The following ZNF131 variants were observed in gnomAD, a reference collection of about 807,000 sequenced individuals.
ZNF131 encodes zinc finger and BTB domain containing 35.
Under a neutral mutation model 60.0 loss-of-function variants are expected in ZNF131, and 7 were observed. The observed-to-expected ratio is 0.12, with a 90% CI of 0.07 to 0.22. The LOEUF is 0.22. ZNF131 is among the 10% of genes least tolerant of loss of function. The pLI, the probability that ZNF131 is intolerant of heterozygous loss-of-function variation, is 1.00. For missense variants in ZNF131, 493 were observed against 740.9 expected, an observed-to-expected ratio of 0.67 and a Z score of 3.88; for synonymous variants, 257 against 253.2, an observed-to-expected ratio of 1.01 and a Z score of -0.14.
At chr5:43,154,013 G>C (rs1404324358) in intron 4 of ZNF131, among the ~76,000 whole-genome samples, 1 of 152,208 alleles carries the variant, frequency 6.6e-6, no homozygotes, top group East Asian at 1.9e-4. Context: ...TCAGACTGCA[G>C]ATGGTATAGA....
At chr5:43,143,461 C>CG in intron 4 of ZNF131, 11 of 1,334,304 alleles carry the variant, frequency 8.2e-6, no homozygotes, top group South Asian at 1.5e-5. Context: ...CAACTACACG[C>CG]TGTATTTGAA....
Position 43,154,039 on chromosome 5 carries a change from C to T in ZNF131, c.372-7210C>T, listed in dbSNP as rs548640364. Among the ~76,000 whole-genome samples, 4 of 152,186 alleles carry T rather than the reference C, an allele frequency of 2.6e-5. No individual in the cohort carries two copies. The South Asian group carries it at 8.3e-4, about 32-fold the overall frequency. ...ATGGTATAGAAAGGTGAACATAAGA[C>T]ATAGATTAGTTTCAAGAGCCACAGT... On this transcript the variant is annotated intron_variant, in intron 4 of 6. Transcript: ENST00000682664.
intron 4 of ZNF131, among the ~76,000 whole-genome samples, chr5:43,157,126 A>G (rs1013542372): frequency 2.6e-5 from 4 of 152,262 alleles, no homozygotes; most frequent in African/African-American, 9.6e-5. Flanking sequence ...TCTCAAAGAC[A>G]TCTCTCAAAG....
intron 4 of ZNF131, among the ~76,000 whole-genome samples, chr5:43,157,754 A>T (rs1475650751): frequency 6.6e-6 from 1 of 152,210 alleles, no homozygotes; most frequent in Non-Finnish European, 1.5e-5. Flanking sequence ...TAGTGCCATG[A>T]TCCCTCCCAA....
intron 3 of ZNF131, among the ~76,000 whole-genome samples, chr5:43,136,476 CTTTTTTT>C (rs70991484): frequency 0.014 from 961 of 70,048 alleles, 26 homozygotes; most frequent in African/African-American, 0.051. Flanking sequence ...AGGCATCATA[CTTTTTTT>C]TTTTTTTTTT....
intron 5 of ZNF131, among the ~76,000 whole-genome samples, chr5:43,166,801 C>T (rs548233959): frequency 6.6e-6 from 1 of 152,070 alleles, no homozygotes; most frequent in East Asian, 1.9e-4. Context: ...ATTACAGGCA[C>T]CCAACACCAG....
At chr5:43,155,262 T>C (rs965502044) in intron 4 of ZNF131, among the ~76,000 whole-genome samples, 3 of 152,230 alleles carry the variant, frequency 2.0e-5, no homozygotes, top group African/African-American at 7.2e-5. Context: ...TCTCACCTTG[T>C]TAGTCATGAA....
At chr5:43,166,470 C>T (rs370325783) in intron 5 of ZNF131, among the ~76,000 whole-genome samples, 17 of 151,302 alleles carry the variant, frequency 1.1e-4, no homozygotes, top group African/African-American at 3.9e-4. Flanking sequence ...ACGCCATTCT[C>T]CTACCTCAGC....
chr5:43,171,432 A>T (rs1750978184), intron 5 of ZNF131, among the ~76,000 whole-genome samples: 1 of 151,998 alleles, frequency 6.6e-6, no homozygotes, highest in Non-Finnish European at 1.5e-5. Context: ...GAATCCTGTT[A>T]TTGGCTGGGC....
At chr5:43,130,399 A>G (rs1745185679) in intron 3 of ZNF131, among the ~76,000 whole-genome samples, 1 of 151,952 alleles carries the variant, frequency 6.6e-6, no homozygotes, top group African/African-American at 2.4e-5. Flanking sequence ...TTGTGAAATG[A>G]GTAATATAAA....
chr5:43,124,915 A>G (rs1744322701), intron 3 of ZNF131: 2 of 152,088 alleles, frequency 1.3e-5, no homozygotes, highest in African/African-American at 4.8e-5. Context: ...CTGTGGTCCC[A>G]GCTATTCAGG....
intron 3 of ZNF131, among the ~76,000 whole-genome samples, chr5:43,126,488 T>C (rs886950707): frequency 3.3e-5 from 5 of 152,190 alleles, no homozygotes; most frequent in Non-Finnish European, 7.3e-5. Context: ...AAACTTGAGA[T>C]TGTATACACA....
rs4050538 is a variant in ZNF131, at chr5:43,132,505, CTTTTTTTTTTTTTT to C, written c.227-6650_227-6637del. Reference sequence around the variant, plus strand: ...AAGTTCTAACTTCCTGAATGGTATTCTTTTTTTTTTTTTTTTTTTTTTTGAGACAGAGTCTCGCT... The same window carrying C: ...AAGTTCTAACTTCCTGAATGGTATTCTTTTTTTTTGAGACAGAGTCTCGCT... On this transcript the variant is annotated intron_variant, in intron 3 of 6. Transcript: ENST00000682664. Among the ~76,000 whole-genome samples the C allele has an allele frequency of 2.1e-3, 194 of 93,506 alleles. 1 individual carries two copies. Among genetic ancestry groups the C allele is most frequent in the African/African-American group, 7.9e-3 (186 of 23,686 alleles). 61.3% of individuals were successfully genotyped at this position (93,506 alleles called of 152,430 possible). A position where few individuals can be genotyped will look rare whatever the true frequency, so the allele number is the denominator to read the frequency against.
At position 43,162,969 on chromosome 5, in the gene ZNF131, C is replaced by CTTTTTTT. The variant is rs1205635519; in HGVS notation, c.1054+1050_1054+1056dup. Among the ~76,000 whole-genome samples, 287 of 64,886 alleles carry CTTTTTTT rather than the reference C, an allele frequency of 4.4e-3. 18 individuals are homozygous for CTTTTTTT. Among genetic ancestry groups the CTTTTTTT allele is most frequent in the African/African-American group, 0.012 (236 of 19,748 alleles). The allele number at this position is 64,886 out of a possible 152,430, so 42.6% of individuals were successfully genotyped here. Reference sequence around the variant, plus strand: ...TTTATACTTCTTTTCTTTTATTTGCCTTTTTTTTTTTTTTTTTTGGCAGAT... The same window carrying CTTTTTTT: ...TTTATACTTCTTTTCTTTTATTTGCCTTTTTTTTTTTTTTTTTTTTTTTTTGGCAGAT... On this transcript the variant is annotated intron_variant, in intron 5 of 6. Coordinates refer to ENST00000682664, the MANE Select transcript of ZNF131 (RefSeq NM_001330707.2).
In ZNF131 at chr5:43,175,089, A is replaced by G. The variant is rs200621735; in HGVS notation, c.1828A>G (p.Lys610Glu). Residue 610 changes from lysine (K) to glutamate (E), a missense_variant, in exon 7 of 7, where the codon AAG becomes GAG. Around this residue, in one of 7 missense-constraint regions of ZNF131, gnomAD observed 202 missense variants for 221.3 expected, o/e 0.91. Coordinates refer to ENST00000682664, the MANE Select transcript of ZNF131 (RefSeq NM_001330707.2). ...GCCAACAGTGGATTCTGAAGCAGAA[A>G]AGGCAGAGAATGAGGACAGAACAGC... Reference protein sequence around the residue: ...TKPTVDSEAEKAENEDRTALP... With the variant: ...TKPTVDSEAEEAENEDRTALP... 45 of 1,614,088 alleles carry G rather than the reference A, an allele frequency of 2.8e-5. No individual in the cohort carries two copies. The African/African-American group carries it at 6.0e-4, about 22-fold the overall frequency.
At chr5:43,150,114 G>A (rs1376109544) in intron 4 of ZNF131, among the ~76,000 whole-genome samples, 3 of 152,272 alleles carry the variant, frequency 2.0e-5, no homozygotes, top group South Asian at 2.1e-4. Flanking sequence ...GGTGTGTACC[G>A]TGCTCACAGT....
At chr5:43,133,240 C>T (rs749578362) in intron 3 of ZNF131, among the ~76,000 whole-genome samples, 10 of 151,974 alleles carry the variant, frequency 6.6e-5, no homozygotes, top group South Asian at 6.2e-4. Flanking sequence ...CCGAGGTGGA[C>T]GGATCATGAG....
chr5:43,130,668 G>A (rs563674707), intron 3 of ZNF131, among the ~76,000 whole-genome samples: 2 of 151,970 alleles, frequency 1.3e-5, no homozygotes, highest in Non-Finnish European at 2.9e-5. Context: ...GGGTTCAAGC[G>A]ATTCTCTTGC....
chr5:43,137,878 A>G (rs1029905188), intron 3 of ZNF131, among the ~76,000 whole-genome samples: 4 of 152,250 alleles, frequency 2.6e-5, no homozygotes, highest in African/African-American at 9.6e-5. Context: ...ATCCAATGGA[A>G]TACTATTCAG....
Sources: gnomAD v4.1 joint callset for allele counts (sites outside exome capture counted in the v4.1 genomes callset) on GRCh38, gnomAD v4.1.1 for gene constraint, gnomAD v4.1.1 regional missense constraint, MANE v1.5 for transcripts, NCBI Gene and HGNC (gene_info 2026-07-23, HGNC 2026-07-21) for gene names.